The following EFHC2 variants were observed in gnomAD, a reference collection of about 807,000 sequenced individuals.
The protein encoded by EFHC2 is EF-hand domain containing 2, also known as EF-hand domain-containing family member C2.
Under a neutral mutation model 52.7 loss-of-function variants are expected in EFHC2, and 18 were observed. The ratio of observed to expected loss-of-function variants is 0.34; its 90% CI spans 0.24 to 0.51. The LOEUF (loss-of-function observed/expected upper bound fraction) is 0.51. Ranked by LOEUF, EFHC2 falls within the 20% of genes least tolerant of loss-of-function variation. EFHC2 has a pLI of 0.97. For synonymous variants in EFHC2, 203 were observed against 204.1 expected (o/e 0.99, Z 0.04); for missense variants, 513 against 562.5 (o/e 0.91, Z 0.89).
chrX:44,238,672 G>A (rs1044392080), intron 8 of EFHC2, among the ~76,000 whole-genome samples: 3 of 110,934 alleles, frequency 2.7e-5, no homozygotes, highest in Non-Finnish European at 3.8e-5. Flanking sequence ...CCTTTACACC[G>A]ACTGTTCCTT....
At chrX:44,270,928 T>C (rs192382822) in intron 3 of EFHC2, among the ~76,000 whole-genome samples, 1 of 111,392 alleles carries the variant, frequency 9.0e-6, no homozygotes, top group East Asian at 2.8e-4. Context: ...TAAACCATAC[T>C]AGTAGCAGGG....
In EFHC2 at chrX:44,257,558, T is replaced by A. The variant is rs367883058; in HGVS notation, c.606+3517A>T. ...CACAATTGCTACAAAGAGAATAAAATACCTAGGAATACAACTTATAAGGGA... is the reference window on the plus strand; with the variant it reads ...CACAATTGCTACAAAGAGAATAAAAAACCTAGGAATACAACTTATAAGGGA... On this transcript the variant is annotated intron_variant, in intron 4 of 14. Transcript: ENST00000420999. Among the ~76,000 whole-genome samples the A allele has an allele frequency of 3.6e-5, 4 of 111,055 alleles. No individual in the cohort carries two copies. In the East Asian group the frequency reaches 8.5e-4, roughly 24 times the overall value.
At chrX:44,244,979 C>T (rs1044320082) in intron 7 of EFHC2, among the ~76,000 whole-genome samples, 2 of 111,861 alleles carry the variant, frequency 1.8e-5, no homozygotes, top group South Asian at 3.7e-4. Flanking sequence ...AACCTAAATT[C>T]GTGAATCACA....
intron 7 of EFHC2, among the ~76,000 whole-genome samples, chrX:44,247,169 A>G (rs2037406888): frequency 8.9e-6 from 1 of 112,364 alleles, no homozygotes; most frequent in African/African-American, 3.2e-5. Context: ...ATTTTGACTA[A>G]TCTGGCATGC....
At chrX:44,157,178 G>A (rs370793464) in intron 14 of EFHC2, among the ~76,000 whole-genome samples, 1 of 112,098 alleles carries the variant, frequency 8.9e-6, no homozygotes, top group Non-Finnish European at 1.9e-5. Context: ...CTTGTTTGTT[G>A]TTGACCCCTA....
At chrX:44,158,536 C>T (rs1405313404) in intron 14 of EFHC2, among the ~76,000 whole-genome samples, 1 of 111,355 alleles carries the variant, frequency 9.0e-6, no homozygotes, top group East Asian at 2.8e-4. Flanking sequence ...CTGGTCTCAT[C>T]ACTTCACACT....
intron 11 of EFHC2, among the ~76,000 whole-genome samples, chrX:44,218,406 A>G (rs1435823510): frequency 1.8e-5 from 2 of 111,566 alleles, no homozygotes; most frequent in Non-Finnish European, 3.8e-5. Flanking sequence ...TTAAATAAGA[A>G]TTTGAAAATT....
At chrX:44,191,253 G>T (rs1651134049) in intron 11 of EFHC2, among the ~76,000 whole-genome samples, 1 of 107,884 alleles carries the variant, frequency 9.3e-6, no homozygotes, top group African/African-American at 3.4e-5. Flanking sequence ...TTTTTTTTTT[G>T]AGACAGAGTT....
intron 12 of EFHC2, among the ~76,000 whole-genome samples, chrX:44,178,129 T>TCTCACACACACACACACACA (rs779701339): frequency 1.7e-4 from 14 of 83,948 alleles, no homozygotes; most frequent in Non-Finnish European, 3.0e-4. Context: ...AGATGCCATA[T>TCTCACACACACACACACACA]CACACACACA....
chrX:44,214,436 T>C (rs1182834717), intron 11 of EFHC2, among the ~76,000 whole-genome samples: 1 of 112,248 alleles, frequency 8.9e-6, no homozygotes, highest in Non-Finnish European at 1.9e-5. Context: ...TCAGACACCA[T>C]GCAAGCAAGA....
intron 8 of EFHC2, among the ~76,000 whole-genome samples, chrX:44,237,661 T>C (rs2037330427): frequency 1.8e-5 from 2 of 111,874 alleles, no homozygotes; most frequent in African/African-American, 6.5e-5. Flanking sequence ...CCAATTCCAA[T>C]GCTTAATTTT....
At chrX:44,212,276 T>C (rs1480731628) in intron 11 of EFHC2, among the ~76,000 whole-genome samples, 1 of 111,328 alleles carries the variant, frequency 9.0e-6, no homozygotes. Flanking sequence ...CCAGTCAAAG[T>C]GGATGAGGGG....
At chrX:44,175,525 G>A (rs1453347648) in intron 13 of EFHC2, among the ~76,000 whole-genome samples, 3 of 111,845 alleles carry the variant, frequency 2.7e-5, no homozygotes, top group Admixed American at 9.5e-5. Context: ...TACACTATGT[G>A]ACTTTGGGCA....
intron 11 of EFHC2, among the ~76,000 whole-genome samples, chrX:44,186,184 A>G (rs1602140637): frequency 8.9e-6 from 1 of 112,120 alleles, no homozygotes. Context: ...AAAATGAGAT[A>G]TTTTCATGCA....
chrX:44,279,742 T>A (rs1385736347), intron 2 of EFHC2, among the ~76,000 whole-genome samples: 4 of 110,456 alleles, frequency 3.6e-5, no homozygotes, highest in African/African-American at 6.6e-5. Context: ...ATTGCCCCAA[T>A]AAAGTCTCCA....
At chrX:44,198,472 G>A (rs1283719470) in intron 11 of EFHC2, among the ~76,000 whole-genome samples, 1 of 111,505 alleles carries the variant, frequency 9.0e-6, no homozygotes, top group Non-Finnish European at 1.9e-5. Flanking sequence ...TAATAATAAC[G>A]TGTCTAGTCA....
At chrX:44,174,488 G>T (rs2036769758) in intron 13 of EFHC2, among the ~76,000 whole-genome samples, 1 of 111,005 alleles carries the variant, frequency 9.0e-6, no homozygotes, top group African/African-American at 3.3e-5. Flanking sequence ...ATTCTGAGCA[G>T]GAGATAATCA....
At chrX:44,248,583 T>C (rs2037418033) in intron 6 of EFHC2, among the ~76,000 whole-genome samples, 173 bp from the exon 7 acceptor site, 1 of 112,670 alleles carries the variant, frequency 8.9e-6, no homozygotes, top group Non-Finnish European at 1.9e-5. Context: ...AGTATTATTT[T>C]AGCACTGTAG....
intron 2 of EFHC2, among the ~76,000 whole-genome samples, chrX:44,291,636 A>G (rs1356134494): frequency 1.8e-5 from 2 of 112,422 alleles, no homozygotes; most frequent in African/African-American, 6.5e-5. Flanking sequence ...CTAATTAACT[A>G]CATCACTGGT....
Sources: gnomAD v4.1 joint callset for allele counts (sites outside exome capture counted in the v4.1 genomes callset) on GRCh38, gnomAD v4.1.1 for gene constraint, MANE v1.5 for transcripts, NCBI Gene and HGNC (gene_info 2026-07-23, HGNC 2026-07-21) for gene names.